Variants in SMURF2 observed in about 807,000 individuals in gnomAD.
The protein encoded by SMURF2 is E3 ubiquitin-protein ligase SMURF2.
SMURF2 carries 48 observed loss-of-function variants against 109.6 expected under a neutral mutation model. The observed-to-expected ratio is 0.44, with a 90% CI of 0.35 to 0.56. The LOEUF is 0.56. Ranked by LOEUF, SMURF2 falls within the 20% of genes least tolerant of loss-of-function variation. The pLI, the probability that SMURF2 is intolerant of heterozygous loss-of-function variation, is 0.01. For synonymous variants in SMURF2, 288 were observed against 317.1 expected (o/e 0.91, Z 0.97); for missense variants, 575 against 909.0 (o/e 0.63, Z 4.72).
intron 12 of SMURF2, 119 bp downstream of exon 12, chr17:64,561,381 A>T: frequency 1.5e-6 from 1 of 671,386 alleles, no homozygotes. Flanking sequence ...ATCCTCAGTG[A>T]TACAAACATT....
chr17:64,604,358 C>T (rs782510621), intron 2 of SMURF2, among the ~76,000 whole-genome samples: 5 of 152,126 alleles, frequency 3.3e-5, no homozygotes, highest in Non-Finnish European at 7.4e-5. Context: ...ATTTTTACTG[C>T]CTACACCCAT....
intron 9 of SMURF2, among the ~76,000 whole-genome samples, chr17:64,575,912 A>ATG (rs1463799971): frequency 4.6e-5 from 7 of 152,058 alleles, no homozygotes; most frequent in Admixed American, 2.6e-4. Context: ...TTAAAAAATA[A>ATG]CTCAAAATAG....
chr17:64,600,060 C>T (rs545467660), intron 2 of SMURF2, among the ~76,000 whole-genome samples: 1 of 152,194 alleles, frequency 6.6e-6, no homozygotes, highest in Admixed American at 6.5e-5. Context: ...ATGGCTGTAA[C>T]TACAGTCATA....
rs1445684133 is a variant in SMURF2, at chr17:64,581,801, C to T, written c.570-810G>A. Reference sequence around the variant, plus strand: ...CTCTACTAAAAATACAAAAATTAGCCGGGTGTGGGGGCGGGCGCCTGTAGT... The same window carrying T: ...CTCTACTAAAAATACAAAAATTAGCTGGGTGTGGGGGCGGGCGCCTGTAGT... On this transcript the variant is annotated intron_variant, in intron 7 of 18. Coordinates refer to ENST00000262435, the MANE Select transcript of SMURF2 (RefSeq NM_022739.4). This position sits in a 1 kb window ranked among gnomAD's most constrained non-coding sequence, Gnocchi z 4.3. Among the ~76,000 whole-genome samples the T allele has an allele frequency of 2.0e-5, 3 of 151,678 alleles. No homozygotes were observed. Among genetic ancestry groups the T allele is most frequent in the South Asian group, 2.1e-4 (1 of 4,792 alleles).
At chr17:64,571,743 A>G (rs1555685573) in intron 10 of SMURF2, 55 bp downstream of exon 10, 1 of 1,505,156 alleles carries the variant, frequency 6.6e-7, no homozygotes, top group Non-Finnish European at 9.0e-7. Context: ...AAAAGCATCT[A>G]TGCGTTTCAT....
chr17:64,656,909 A>AG (rs1402735244), intron 1 of SMURF2, among the ~76,000 whole-genome samples: 1 of 152,006 alleles, frequency 6.6e-6, no homozygotes, highest in African/African-American at 2.4e-5. Flanking sequence ...GGTTCCCCCC[A>AG]CCTTAAAAAA....
intron 1 of SMURF2, among the ~76,000 whole-genome samples, chr17:64,644,986 T>C (rs1322445251): frequency 6.7e-6 from 1 of 148,502 alleles, no homozygotes. Context: ...TCAGCCTGGA[T>C]AACAAGAGCA....
At chr17:64,579,384 A>G (rs1369468300) in intron 8 of SMURF2, among the ~76,000 whole-genome samples, 1 of 152,146 alleles carries the variant, frequency 6.6e-6, no homozygotes, top group African/African-American at 2.4e-5. Flanking sequence ...TTATTAGTAT[A>G]AATCTAATTT....
At chr17:64,656,913 T>TA (rs1249581137) in intron 1 of SMURF2, among the ~76,000 whole-genome samples, 2 of 151,758 alleles carry the variant, frequency 1.3e-5, no homozygotes, top group Non-Finnish European at 2.9e-5. Context: ...CCCCCCACCT[T>TA]AAAAAAAATG....
intron 1 of SMURF2, among the ~76,000 whole-genome samples, chr17:64,649,075 T>G (rs1343199538): frequency 1.3e-5 from 2 of 152,202 alleles, no homozygotes; most frequent in African/African-American, 4.8e-5. Flanking sequence ...AAAAACAGAA[T>G]TACTAATGTT....
At chr17:64,558,236 C>T (rs1161311793) in intron 12 of SMURF2, among the ~76,000 whole-genome samples, 1 of 152,006 alleles carries the variant, frequency 6.6e-6, no homozygotes, top group Non-Finnish European at 1.5e-5. Context: ...CCCATCTCTA[C>T]AAAAAATACA....
chr17:64,613,821 CT>C (rs538016812), intron 1 of SMURF2, among the ~76,000 whole-genome samples: 1 of 150,442 alleles, frequency 6.6e-6, no homozygotes, highest in Non-Finnish European at 1.5e-5. Flanking sequence ...GCACTTATTT[CT>C]ATTATTATTA....
intron 1 of SMURF2, among the ~76,000 whole-genome samples, chr17:64,642,347 A>T (rs1970503072): frequency 6.6e-6 from 1 of 152,208 alleles, no homozygotes; most frequent in Non-Finnish European, 1.5e-5. Flanking sequence ...CAGATTCTTT[A>T]CCTGCATCAT....
At chr17:64,574,091 C>G (rs1302709734) in intron 9 of SMURF2, among the ~76,000 whole-genome samples, 5 of 151,522 alleles carry the variant, frequency 3.3e-5, no homozygotes, top group African/African-American at 1.2e-4. Flanking sequence ...ACAAGTTTAC[C>G]TATAACAAAC....
intron 1 of SMURF2, among the ~76,000 whole-genome samples, chr17:64,651,048 C>A (rs1970631362): frequency 6.6e-6 from 1 of 151,360 alleles, no homozygotes. Context: ...CCTGTCTCTA[C>A]TAAAAATACA....
intron 2 of SMURF2, among the ~76,000 whole-genome samples, chr17:64,605,744 AATATATAT>A (rs71158333): frequency 0.02 from 1,990 of 99,092 alleles, 99 homozygotes; most frequent in African/African-American, 0.076. Flanking sequence ...CTCTAAAAAG[AATATATAT>A]ATATATATAT....
intron 9 of SMURF2, among the ~76,000 whole-genome samples, chr17:64,574,586 G>T (rs377567636): frequency 1.3e-5 from 2 of 152,062 alleles, no homozygotes; most frequent in Admixed American, 1.3e-4. Context: ...TTTCATAAAA[G>T]ATCTTCCATA....
rs9897308 is a variant in SMURF2, at chr17:64,565,581, A to C, written c.1017-2615T>G. Among the ~76,000 whole-genome samples the C allele has an allele frequency of 8.0e-3, 1,217 of 152,048 alleles. 18 individuals carry two copies. The highest frequency in any genetic ancestry group is 0.028 in the African/African-American group (1,153 of 41,418). On this transcript the variant is annotated intron_variant, in intron 10 of 18. Transcript: ENST00000262435. The stretch of plus-strand genomic sequence containing the variant: ...GCCAGTCAAAGGAAGGGAAATAAGT[A>C]ATTAGTGTTACTGGAATCAAAACAT...
At chr17:64,574,239 G>T (rs1969457211) in intron 9 of SMURF2, among the ~76,000 whole-genome samples, 1 of 152,184 alleles carries the variant, frequency 6.6e-6, no homozygotes, top group Non-Finnish European at 1.5e-5. Context: ...ACACGGGAGA[G>T]TGCTAAAGCA....
Sources: gnomAD v4.1 joint callset for allele counts (sites outside exome capture counted in the v4.1 genomes callset) on GRCh38, gnomAD v4.1.1 for gene constraint, Gnocchi (gnomAD v3.1) non-coding constraint, MANE v1.5 for transcripts, NCBI Gene and HGNC (gene_info 2026-07-23, HGNC 2026-07-21) for gene names.